ZNF69: variants seen among roughly 807,000 people sequenced by gnomAD.
ZNF69 encodes ZNF3.
Under a neutral mutation model 50.9 loss-of-function variants are expected in ZNF69, and 47 were observed. The ratio of observed to expected loss-of-function variants is 0.92; its 90% CI spans 0.73 to 1.18. The LOEUF is 1.18. Among genes scored for constraint, ZNF69 ranks in the 50% most tolerant of loss-of-function variants. The pLI, the probability that ZNF69 is intolerant of heterozygous loss-of-function variation, is 0.00. For missense variants in ZNF69, 717 were observed against 675.1 expected (o/e 1.06, Z -0.69); for synonymous variants, 216 against 223.1 (o/e 0.97, Z 0.29).
chr19:11,945,954 A>G, the ZNF69 span, among the ~76,000 whole-genome samples: 3 of 152,208 alleles, frequency 2.0e-5, no homozygotes, highest in Admixed American at 1.3e-4. Flanking sequence ...CTTCGATTAT[A>G]TCAATAGTCT....
At chr19:11,973,103 CAT>C in the ZNF69 span, among the ~76,000 whole-genome samples, 1,003 of 152,286 alleles carry the variant, frequency 6.6e-3, 15 homozygotes, top group African/African-American at 0.023. Context: ...AAGACAACTA[CAT>C]GTGTCTTGTA....
the ZNF69 span, among the ~76,000 whole-genome samples, chr19:11,976,250 CTA>C: frequency 2.6e-5 from 4 of 151,584 alleles, no homozygotes; most frequent in African/African-American, 7.3e-5. Flanking sequence ...TCATAGGACT[CTA>C]TTACGACAGG....
At chr19:11,967,529 C>T in the ZNF69 span, among the ~76,000 whole-genome samples, 6 of 151,912 alleles carry the variant, frequency 3.9e-5, no homozygotes, top group Non-Finnish European at 8.8e-5. Context: ...CTCAGCCTCC[C>T]GAGTAGCTGG....
the ZNF69 span, among the ~76,000 whole-genome samples, chr19:11,957,840 C>T: frequency 6.6e-6 from 1 of 151,492 alleles, no homozygotes; most frequent in African/African-American, 2.4e-5. Context: ...ACAAGACTGT[C>T]TCAAAAAAAG....
chr19:11,941,367 TC>T, the ZNF69 span, among the ~76,000 whole-genome samples: 23 of 152,230 alleles, frequency 1.5e-4, no homozygotes, highest in Non-Finnish European at 1.6e-4. Context: ...TCGGGGAGGC[TC>T]GGGCCGCACA....
the ZNF69 span, among the ~76,000 whole-genome samples, chr19:11,922,051 G>A: frequency 2.0e-5 from 3 of 151,282 alleles, no homozygotes; most frequent in African/African-American, 7.3e-5. Context: ...TTATCAAGAA[G>A]ATAACGATGT....
chr19:11,975,653 A>T, the ZNF69 span, among the ~76,000 whole-genome samples: 1 of 124,638 alleles, frequency 8.0e-6, no homozygotes, highest in East Asian at 2.4e-4. Context: ...AAGTGTTGGG[A>T]TTACAGGCGT....
At chr19:11,980,096 T>A in the ZNF69 span, 1 of 979,320 alleles carries the variant, frequency 1.0e-6, no homozygotes, top group Non-Finnish European at 1.6e-6. Flanking sequence ...AACCTTCAGA[T>A]CTACCTCACA....
At chr19:11,972,017 G>A in the ZNF69 span, among the ~76,000 whole-genome samples, 1 of 151,538 alleles carries the variant, frequency 6.6e-6, no homozygotes, top group Non-Finnish European at 1.5e-5. Flanking sequence ...AGCCAAGATG[G>A]TGTCATTGCA....
Position 11,913,484 on chromosome 19 carries a change from G to A in ZNF69, c.*74G>A, listed in dbSNP as rs1599365601. On this transcript the variant is annotated 3_prime_UTR_variant, in exon 5 of 5. Coordinates refer to the ZNF69 transcript ENST00000340180. ...GGTCGCTGCAACCTCTGCCTCCAGGGTTCAAGCAACTCTCCTGCTTCAGCC... is the reference window on the plus strand; with the variant it reads ...GGTCGCTGCAACCTCTGCCTCCAGGATTCAAGCAACTCTCCTGCTTCAGCC... 19 of 478,428 alleles carry A rather than the reference G, an allele frequency of 4.0e-5. 1 individual carries two copies. The South Asian group carries it at 6.9e-4, about 17-fold the overall frequency. The allele number at this position is 478,428 out of a possible 1,614,324, so 29.6% of individuals were successfully genotyped here. A position where few individuals can be genotyped will look rare whatever the true frequency, so the allele number is the denominator to read the frequency against.
chr19:11,904,572 G>T (rs1261308268), intron 3 of ZNF69, 77 bp from the exon 4 acceptor site: 3 of 1,540,706 alleles, frequency 1.9e-6, no homozygotes, highest in African/African-American at 1.4e-5. Context: ...TGTTAAAAAT[G>T]CAAGTTCAGT....
the ZNF69 span, chr19:11,925,117 C>T: frequency 2.0e-6 from 3 of 1,502,352 alleles, no homozygotes; most frequent in Admixed American, 1.8e-5. Flanking sequence ...CCTCACCTTC[C>T]TCGCTGCGCG....
At chr19:11,890,455 G>C (rs1373275544) in intron 1 of ZNF69, among the ~76,000 whole-genome samples, 1 of 152,192 alleles carries the variant, frequency 6.6e-6, no homozygotes, top group Non-Finnish European at 1.5e-5. Flanking sequence ...ATACAGCACA[G>C]GTTTCTGTGA....
At chr19:11,973,449 A>C in the ZNF69 span, among the ~76,000 whole-genome samples, 1 of 152,158 alleles carries the variant, frequency 6.6e-6, no homozygotes, top group Non-Finnish European at 1.5e-5. Context: ...TCCTCAGCTC[A>C]GGTGATTCTC....
chr19:11,973,143 G>A, the ZNF69 span, among the ~76,000 whole-genome samples: 1 of 152,006 alleles, frequency 6.6e-6, no homozygotes, highest in Non-Finnish European at 1.5e-5. Flanking sequence ...ATACAGAAAC[G>A]TTTCACTGCC....
chr19:11,923,567 C>T, the ZNF69 span, among the ~76,000 whole-genome samples: 5 of 152,304 alleles, frequency 3.3e-5, no homozygotes, highest in Middle Eastern at 3.4e-3. Flanking sequence ...AGCTCTCCAC[C>T]CTCTCTCCCA....
the ZNF69 span, among the ~76,000 whole-genome samples, chr19:11,919,759 A>T: frequency 1.3e-5 from 2 of 152,184 alleles, no homozygotes; most frequent in Non-Finnish European, 2.9e-5. Context: ...GCAAGAAGTC[A>T]TCTAGCTGCA....
the ZNF69 span, among the ~76,000 whole-genome samples, chr19:11,954,742 G>C: frequency 2.0e-5 from 3 of 151,774 alleles, no homozygotes; most frequent in African/African-American, 7.3e-5. Context: ...GAGAACCAAA[G>C]CCTGGGAGGT....
the ZNF69 span, chr19:11,947,101 A>G: frequency 0.045 from 70,008 of 1,546,160 alleles, 3,146 homozygotes; most frequent in African/African-American, 0.24. Context: ...CAGCATCCTG[A>G]GAACTTCTTG....
Sources: allele counts gnomAD v4.1 joint callset (sites outside exome capture counted in the v4.1 genomes callset), GRCh38; gene constraint gnomAD v4.1.1; transcripts MANE v1.5; gene names NCBI Gene and HGNC (gene_info 2026-07-23, HGNC 2026-07-21).